ATRNL1: variants seen among roughly 807,000 people sequenced by gnomAD.
ATRNL1 encodes the protein attractin like 1.
A neutral mutation model predicts 182.7 loss-of-function variants in ATRNL1; 95 were observed. That is an observed-to-expected ratio of 0.52 (90% CI 0.44 to 0.62). ATRNL1 has a LOEUF of 0.62. ATRNL1 is among the 20% of genes least tolerant of loss of function. The probability of loss-of-function intolerance (pLI) is 0.00; values close to 1 mark genes in which losing one functional copy is unlikely to be tolerated. For missense variants in ATRNL1, 1,471 were observed against 1,679.5 expected (o/e 0.88, Z 2.17); for synonymous variants, 576 against 568.3 (o/e 1.01, Z -0.19).
intron 21 of ATRNL1, among the ~76,000 whole-genome samples, chr10:115,433,936 A>C (rs1204950677): frequency 6.6e-6 from 1 of 152,160 alleles, no homozygotes; most frequent in East Asian, 1.9e-4. Context: ...TGTAGTATGT[A>C]TCCTTTGTAA....
chr10:115,134,252 GT>G (rs1286065971), intron 5 of ATRNL1, among the ~76,000 whole-genome samples: 1 of 152,068 alleles, frequency 6.6e-6, no homozygotes, highest in African/African-American at 2.4e-5. Flanking sequence ...CCAGGAGCTG[GT>G]TTTTTGAAAA....
At chr10:115,374,662 A>C (rs1857578761) in intron 19 of ATRNL1, among the ~76,000 whole-genome samples, 1 of 151,800 alleles carries the variant, frequency 6.6e-6, no homozygotes. Flanking sequence ...TCAACCCATA[A>C]CTTTTGGTAG....
At chr10:115,433,742 A>G (rs1846270617) in intron 21 of ATRNL1, among the ~76,000 whole-genome samples, 1 of 152,174 alleles carries the variant, frequency 6.6e-6, no homozygotes, top group African/African-American at 2.4e-5. Context: ...AAAGGAAAAA[A>G]ATTGCTATTA....
intron 27 of ATRNL1, among the ~76,000 whole-genome samples, chr10:115,743,508 G>C (rs145776530): frequency 6.6e-6 from 1 of 151,982 alleles, no homozygotes; most frequent in Non-Finnish European, 1.5e-5. Flanking sequence ...TTATCTTAAG[G>C]TGATAAAAAG....
In ATRNL1 at chr10:115,828,541, T is replaced by G. The variant is rs1319208648; in HGVS notation, c.3904-19336T>G. Among the ~76,000 whole-genome samples the G allele has an allele frequency of 5.9e-5, 9 of 152,358 alleles. No homozygotes were observed. The East Asian group carries it at 1.7e-3, about 29-fold the overall frequency. Reference sequence around the variant, plus strand: ...ATAGACAGGTAGCTACAGTACAATGTTTGCTTCTCACTCTGGTACACAGCA... The same window carrying G: ...ATAGACAGGTAGCTACAGTACAATGGTTGCTTCTCACTCTGGTACACAGCA... On this transcript the variant is annotated intron_variant, in intron 27 of 28. Transcript: ENST00000355044.
intron 18 of ATRNL1, among the ~76,000 whole-genome samples, chr10:115,329,398 T>A (rs1266945261): frequency 6.6e-6 from 1 of 152,138 alleles, no homozygotes; most frequent in Non-Finnish European, 1.5e-5. Context: ...TGAAGTCATT[T>A]TTGTCATAAA....
chr10:115,574,288 A>G (rs558882435), intron 26 of ATRNL1, among the ~76,000 whole-genome samples: 1 of 151,026 alleles, frequency 6.6e-6, no homozygotes, highest in South Asian at 2.1e-4. Context: ...ATCTATAACT[A>G]TGCAGATATA....
At chr10:115,260,746 T>G (rs1851358105) in intron 10 of ATRNL1, among the ~76,000 whole-genome samples, 1 of 151,882 alleles carries the variant, frequency 6.6e-6, no homozygotes, top group Non-Finnish European at 1.5e-5. Flanking sequence ...AAGAAAAAAA[T>G]GAGCTCTTGG....
intron 28 of ATRNL1, among the ~76,000 whole-genome samples, chr10:115,865,290 G>T (rs1271129194): frequency 6.6e-6 from 1 of 152,014 alleles, no homozygotes; most frequent in Non-Finnish European, 1.5e-5. Context: ...GTTTTCATTT[G>T]GGGAAGCTGA....
At chr10:115,793,964 G>A (rs968305192) in intron 27 of ATRNL1, among the ~76,000 whole-genome samples, 1 of 152,108 alleles carries the variant, frequency 6.6e-6, no homozygotes, top group African/African-American at 2.4e-5. Context: ...TCTCAGTACA[G>A]CTACTTAGAA....
At chr10:115,318,256 A>T (rs897711307) in intron 18 of ATRNL1, among the ~76,000 whole-genome samples, 2 of 152,046 alleles carry the variant, frequency 1.3e-5, no homozygotes, top group Non-Finnish European at 2.9e-5. Flanking sequence ...CTTCTGGTGG[A>T]TAAGTATTTT....
intron 25 of ATRNL1, among the ~76,000 whole-genome samples, chr10:115,536,963 A>T (rs1852063358): frequency 1.8e-5 from 2 of 108,222 alleles, no homozygotes; most frequent in South Asian, 6.0e-4. Context: ...AATACAAAAA[A>T]GTCTCTGTTT....
chr10:115,848,307 T>C (rs1381283622), intron 28 of ATRNL1, among the ~76,000 whole-genome samples: 1 of 152,214 alleles, frequency 6.6e-6, no homozygotes, highest in Non-Finnish European at 1.5e-5. Context: ...CACCATGTTC[T>C]AGACCCTTCC....
chr10:115,834,445 T>A (rs1220589491), intron 27 of ATRNL1, among the ~76,000 whole-genome samples: 2 of 152,168 alleles, frequency 1.3e-5, no homozygotes, highest in Non-Finnish European at 2.9e-5. Flanking sequence ...ACTCTTCTTT[T>A]CTGACCCAAT....
intron 21 of ATRNL1, among the ~76,000 whole-genome samples, chr10:115,446,721 G>A (rs928384155): frequency 2.6e-5 from 4 of 152,014 alleles, no homozygotes; most frequent in African/African-American, 9.7e-5. Flanking sequence ...GAATGGTTTT[G>A]TATTCTCCTG....
chr10:115,910,985 C>T (rs1251461911), intron 28 of ATRNL1, among the ~76,000 whole-genome samples: 1 of 152,038 alleles, frequency 6.6e-6, no homozygotes. Flanking sequence ...GTGTAAAACT[C>T]GTTGTATTTT....
intron 25 of ATRNL1, among the ~76,000 whole-genome samples, chr10:115,545,543 G>A (rs1852602971): frequency 6.6e-6 from 1 of 152,064 alleles, no homozygotes; most frequent in Non-Finnish European, 1.5e-5. Context: ...ATTTTATGTT[G>A]TCCTTATACA....
intron 17 of ATRNL1, among the ~76,000 whole-genome samples, chr10:115,309,947 G>A (rs1853932591): frequency 1.3e-5 from 2 of 151,996 alleles, no homozygotes; most frequent in South Asian, 4.1e-4. Context: ...GAGGTAATGC[G>A]TTCAACATTT....
intron 8 of ATRNL1, among the ~76,000 whole-genome samples, chr10:115,190,170 A>G (rs1177431710): frequency 6.6e-6 from 1 of 152,168 alleles, no homozygotes; most frequent in Non-Finnish European, 1.5e-5. Context: ...CTCAGAATGT[A>G]TCCTCATTGT....
Sources: gnomAD v4.1 joint callset for allele counts (sites outside exome capture counted in the v4.1 genomes callset) on GRCh38, gnomAD v4.1.1 for gene constraint, MANE v1.5 for transcripts, NCBI Gene and HGNC (gene_info 2026-07-23, HGNC 2026-07-21) for gene names.